ZNF516: variants seen among roughly 807,000 people sequenced by gnomAD.
ZNF516 encodes zinc finger protein 516.
ZNF516 carries 19 observed loss-of-function variants against 79.7 expected under a neutral mutation model. The observed-to-expected ratio is 0.24, with a 90% confidence interval of 0.17 to 0.35. ZNF516 has a LOEUF of 0.35. Among genes scored for constraint, ZNF516 ranks in the 10% least tolerant of loss-of-function variants. ZNF516 has a pLI of 1.00. For synonymous variants in ZNF516, 877 were observed against 739.5 expected (o/e 1.19, Z -3.02); for missense variants, 1,678 against 1,679.5 (o/e 1.00, Z 0.02).
chr18:76,364,572 G>C (rs1401073993), intron 6 of ZNF516, among the ~76,000 whole-genome samples: 2 of 152,184 alleles, frequency 1.3e-5, no homozygotes, highest in African/African-American at 2.4e-5. Context: ...CAGTGTTCTA[G>C]GGATGGATAT....
chr18:76,423,619 C>T (rs1469435245), intron 3 of ZNF516, among the ~76,000 whole-genome samples: 1 of 52,680 alleles, frequency 1.9e-5, no homozygotes, highest in Non-Finnish European at 4.1e-5. Context: ...AACACCCACA[C>T]GCAGGTGAAA....
intron 1 of ZNF516, among the ~76,000 whole-genome samples, chr18:76,478,887 C>A (rs1914329650): frequency 6.6e-6 from 1 of 152,114 alleles, no homozygotes. Flanking sequence ...AAAACCCCAT[C>A]TCCACTAAAA....
chr18:76,384,863 G>T (rs1280391735), intron 3 of ZNF516, among the ~76,000 whole-genome samples: 1 of 152,172 alleles, frequency 6.6e-6, no homozygotes, highest in Admixed American at 6.5e-5. Flanking sequence ...AGAATTGAAG[G>T]AAAGAGAACG....
intron 1 of ZNF516, chr18:76,490,174 T>C: frequency 1.0e-6 from 1 of 985,406 alleles, no homozygotes; most frequent in Non-Finnish European, 1.2e-6. Context: ...CCATTCAAGA[T>C]GGCCATGGGG....
intron 1 of ZNF516, among the ~76,000 whole-genome samples, chr18:76,482,645 G>C (rs1287547309): frequency 6.6e-6 from 1 of 152,214 alleles, no homozygotes; most frequent in Non-Finnish European, 1.5e-5. Flanking sequence ...CTTCAACTTA[G>C]GATGGGTTTC....
At chr18:76,441,196 C>A in intron 3 of ZNF516, 49 bp downstream of exon 3, 1 of 1,571,648 alleles carries the variant, frequency 6.4e-7, no homozygotes, top group Non-Finnish European at 8.6e-7. Context: ...GCAGGAACCC[C>A]CTGAGCCTGG....
At chr18:76,382,820 C>G (rs377335208) in intron 3 of ZNF516, among the ~76,000 whole-genome samples, 1 of 152,070 alleles carries the variant, frequency 6.6e-6, no homozygotes, top group African/African-American at 2.4e-5. Flanking sequence ...CCCAGGAGAG[C>G]GGATCATTTG....
At chr18:76,403,946 C>A (rs2075265897) in intron 3 of ZNF516, among the ~76,000 whole-genome samples, 1 of 152,232 alleles carries the variant, frequency 6.6e-6, no homozygotes, top group Admixed American at 6.5e-5. Flanking sequence ...AAGGACTAAG[C>A]ATCCTGCGGA....
At chr18:76,482,533 G>A (rs1002420201) in intron 1 of ZNF516, among the ~76,000 whole-genome samples, 3 of 152,142 alleles carry the variant, frequency 2.0e-5, no homozygotes, top group Non-Finnish European at 4.4e-5. Context: ...CCCAACTGTC[G>A]GCTAACATTT....
At chr18:76,496,234 G>A, upstream of ZNF516, 1 of 1,252,868 alleles carries the variant, frequency 8.0e-7, no homozygotes, top group Non-Finnish European at 1.0e-6. Context: ...CGTAGACCCG[G>A]GGAGCTGCGG....
intron 1 of ZNF516, chr18:76,490,659 C>A: frequency 1.8e-6 from 1 of 546,356 alleles, no homozygotes; most frequent in Non-Finnish European, 2.3e-6. Context: ...GGTGAACGTA[C>A]ATCACTCAGC....
chr18:76,420,094 G>GT (rs2075486906), intron 3 of ZNF516, among the ~76,000 whole-genome samples: 5 of 152,348 alleles, frequency 3.3e-5, no homozygotes, highest in Admixed American at 3.3e-4. Flanking sequence ...TGTTTAGTAG[G>GT]CATTTAATAC....
chr18:76,487,949 C>CT (rs1914926945), intron 1 of ZNF516: 1 of 985,408 alleles, frequency 1.0e-6, no homozygotes. Flanking sequence ...AACAGCTACA[C>CT]TGTCAGCTCA....
intron 1 of ZNF516, among the ~76,000 whole-genome samples, chr18:76,485,120 A>G (rs766027842): frequency 4.8e-4 from 73 of 152,206 alleles, no homozygotes; most frequent in South Asian, 4.1e-4. Flanking sequence ...GTAAAAAGCC[A>G]TTTTTGAAAA....
intron 3 of ZNF516, among the ~76,000 whole-genome samples, chr18:76,404,880 G>A (rs1401931797): frequency 6.6e-6 from 1 of 152,344 alleles, no homozygotes; most frequent in South Asian, 2.1e-4. Context: ...TGTATGGTGA[G>A]CATGACTGTG....
intron 3 of ZNF516, among the ~76,000 whole-genome samples, chr18:76,406,859 C>A (rs1038645165): frequency 2.0e-5 from 3 of 152,200 alleles, no homozygotes; most frequent in Non-Finnish European, 4.4e-5. Flanking sequence ...CCCACACGAG[C>A]ACCGCCTCTT....
At chr18:76,414,420 T>C (rs1489735647) in intron 3 of ZNF516, among the ~76,000 whole-genome samples, 1 of 152,246 alleles carries the variant, frequency 6.6e-6, no homozygotes, top group East Asian at 1.9e-4. Context: ...ACAATTTAGC[T>C]GATCACAGAA....
intron 1 of ZNF516, chr18:76,492,782 T>G (rs1915310320): frequency 1.0e-6 from 1 of 985,576 alleles, no homozygotes; most frequent in South Asian, 4.7e-5. Context: ...TGAAAGTGCT[T>G]CTAAACCCCA....
In ZNF516 at chr18:76,442,160, C is replaced by T. The variant is rs1911710802; in HGVS notation, c.895G>A (p.Gly299Ser). ...WFLKNHMKAH[G>S]PKTGSKNRPK... ...CTGTTCTTGCTGCCCGTCTTGGGGCCGTGCGCCTTCATGTGGTTCTTGAGG... is the reference window on the plus strand; with the variant it reads ...CTGTTCTTGCTGCCCGTCTTGGGGCTGTGCGCCTTCATGTGGTTCTTGAGG... Residue 299 changes from glycine to serine, a missense_variant, in exon 3 of 7, where the codon GGC becomes AGC. Transcript: ENST00000443185. 6.2e-7 allele frequency: 1 copy of T among 1,613,946 alleles called. No individual in the cohort carries two copies. The highest frequency in any genetic ancestry group is 8.5e-7 in the Non-Finnish European group (1 of 1,179,886).
Sources: allele counts gnomAD v4.1 joint callset (sites outside exome capture counted in the v4.1 genomes callset), GRCh38; gene constraint gnomAD v4.1.1; transcripts MANE v1.5; gene names NCBI Gene and HGNC (gene_info 2026-07-23, HGNC 2026-07-21).